CFAP61: variants seen among roughly 807,000 people sequenced by gnomAD.
The protein encoded by CFAP61 is cilia and flagella associated protein 61.
Under a neutral mutation model 135.6 loss-of-function variants are expected in CFAP61, and 107 were observed. That is an observed-to-expected ratio of 0.79 (90% CI 0.67 to 0.93). The LOEUF (loss-of-function observed/expected upper bound fraction) is 0.93. CFAP61 is among the 40% of genes least tolerant of loss of function. CFAP61 has a pLI of 0.00. For synonymous variants in CFAP61, 575 were observed against 578.5 expected, an observed-to-expected ratio of 0.99 and a Z score of 0.09; for missense variants, 1,507 against 1,556.2, an observed-to-expected ratio of 0.97 and a Z score of 0.53.
chr20:20,200,775 C>T lies in CFAP61; in HGVS notation c.1932+873C>T, dbSNP rs761730067. 19 of 985,256 alleles carry T rather than the reference C, an allele frequency of 1.9e-5. No homozygotes were observed. In the African/African-American group the frequency reaches 2.6e-4, roughly 14 times the overall value. 61.0% of individuals were successfully genotyped at this position (985,256 alleles called of 1,614,324 possible). On this transcript the variant is annotated intron_variant, in intron 17 of 26. Transcript: ENST00000245957. ...GGAGACGATGCTGAAATAAACACCT[C>T]GCAATACGCTCGGCGCTGCAGGAAG...
chr20:20,354,302 G>C (rs978331433), intron 26 of CFAP61, among the ~76,000 whole-genome samples: 2 of 152,150 alleles, frequency 1.3e-5, no homozygotes, highest in African/African-American at 2.4e-5. Context: ...AGGAGTTCAA[G>C]AGCAGCCTCG....
chr20:20,052,728 A>G (rs1359146400), intron 1 of CFAP61, 137 bp downstream of exon 1: 5 of 1,599,306 alleles, frequency 3.1e-6, no homozygotes, highest in African/African-American at 2.7e-5. Flanking sequence ...GCGCCCTGCA[A>G]GGGAGTAAGA....
At chr20:20,325,837 A>C (rs188311275) in intron 25 of CFAP61, among the ~76,000 whole-genome samples, 2 of 152,322 alleles carry the variant, frequency 1.3e-5, no homozygotes, top group Admixed American at 1.3e-4. Flanking sequence ...ACCAGCAATG[A>C]ATGAGAGCTC....
intron 21 of CFAP61, among the ~76,000 whole-genome samples, chr20:20,276,532 G>C (rs898605717): frequency 1.3e-5 from 2 of 152,122 alleles, no homozygotes; most frequent in Non-Finnish European, 2.9e-5. Flanking sequence ...TCTTACACAA[G>C]GGAAATCTGT....
At chr20:20,254,524 G>A (rs149873443) in intron 20 of CFAP61, among the ~76,000 whole-genome samples, 42 of 151,832 alleles carry the variant, frequency 2.8e-4, no homozygotes, top group African/African-American at 8.9e-4. Context: ...TTTTTACAAC[G>A]GAAAAAAAAT....
At chr20:20,146,619 T>G (rs2051906455) in intron 9 of CFAP61, among the ~76,000 whole-genome samples, 1 of 152,224 alleles carries the variant, frequency 6.6e-6, no homozygotes, top group African/African-American at 2.4e-5. Context: ...TAACATTATG[T>G]CTTCAGCTTT....
At chr20:20,350,900 CT>C (rs2058811586) in intron 26 of CFAP61, among the ~76,000 whole-genome samples, 1 of 152,162 alleles carries the variant, frequency 6.6e-6, no homozygotes, top group Non-Finnish European at 1.5e-5. Context: ...AATTTGCATC[CT>C]TTCATGATTG....
intron 2 of CFAP61, among the ~76,000 whole-genome samples, chr20:20,070,074 C>G (rs1041031436): frequency 1.3e-5 from 2 of 152,158 alleles, no homozygotes; most frequent in African/African-American, 4.8e-5. Context: ...TTAAGTCTTG[C>G]TGCCTTGATG....
At chr20:20,069,603 T>C (rs2045563910) in intron 2 of CFAP61, 1 of 371,638 alleles carries the variant, frequency 2.7e-6, no homozygotes, top group East Asian at 7.5e-5. Flanking sequence ...AAACACACGA[T>C]GTACATTTCA....
At chr20:20,075,678 T>A in intron 6 of CFAP61, 63 bp downstream of exon 6, 1 of 1,569,820 alleles carries the variant, frequency 6.4e-7, no homozygotes, top group Non-Finnish European at 8.7e-7. Flanking sequence ...TTCCCAAGAC[T>A]CTTTAAACTA....
At chr20:20,338,424 A>T (rs1218059015) in intron 25 of CFAP61, among the ~76,000 whole-genome samples, 1 of 152,116 alleles carries the variant, frequency 6.6e-6, no homozygotes, top group Non-Finnish European at 1.5e-5. Context: ...CTTTTTTTTC[A>T]TGCCAAGAGA....
At chr20:20,345,570 TTATC>T (rs1459183057) in intron 26 of CFAP61, among the ~76,000 whole-genome samples, 1 of 152,216 alleles carries the variant, frequency 6.6e-6, no homozygotes, top group Non-Finnish European at 1.5e-5. Context: ...GAAAAGACCA[TTATC>T]TATCTATTAT....
chr20:20,165,516 G>A (rs145098764), intron 11 of CFAP61, among the ~76,000 whole-genome samples: 106 of 141,562 alleles, frequency 7.5e-4, no homozygotes, highest in African/African-American at 2.5e-3. Context: ...CACCCACCCT[G>A]CCCCTCCAGA....
intron 9 of CFAP61, among the ~76,000 whole-genome samples, chr20:20,157,328 C>T (rs568091759): frequency 5.3e-5 from 8 of 152,280 alleles, no homozygotes; most frequent in Admixed American, 1.3e-4. Context: ...CCACCTTGGC[C>T]TCCCAAAGTA....
chr20:20,359,582 T>A lies in CFAP61; in HGVS notation c.3514-628T>A, dbSNP rs952715379. 4.6e-5 allele frequency among the ~76,000 whole-genome samples: 7 copies of A among 152,114 alleles called. No homozygotes were observed. Among genetic ancestry groups the A allele is most frequent in the African/African-American group, 1.7e-4 (7 of 41,434 alleles). On this transcript the variant is annotated intron_variant, in intron 26 of 26. Transcript: ENST00000245957. This position sits in a 1 kb window ranked among gnomAD's most constrained non-coding sequence, Gnocchi z 4.0. ...GGGAGGCTGAGGCAGGAGAATAGTT[T>A]GAACCTGGTAGGCGGAGGTTGCAGT...
intron 17 of CFAP61, chr20:20,219,980 G>A (rs894111952): frequency 5.3e-5 from 8 of 152,086 alleles, no homozygotes; most frequent in African/African-American, 1.7e-4. Context: ...AGCATCTTTT[G>A]TTATTGATTA....
chr20:20,192,380 G>A (rs937176486), intron 15 of CFAP61, among the ~76,000 whole-genome samples: 4 of 152,092 alleles, frequency 2.6e-5, no homozygotes, highest in Non-Finnish European at 4.4e-5. Flanking sequence ...GATGGGCACA[G>A]CATTATGGGT....
chr20:20,171,035 C>T (rs952225948), intron 13 of CFAP61, among the ~76,000 whole-genome samples: 1 of 152,126 alleles, frequency 6.6e-6, no homozygotes, highest in Non-Finnish European at 1.5e-5. Flanking sequence ...GGTTGAGTAA[C>T]TAGTCCACAG....
At chr20:20,101,129 C>G (rs1366878842) in intron 8 of CFAP61, among the ~76,000 whole-genome samples, 1 of 152,200 alleles carries the variant, frequency 6.6e-6, no homozygotes, top group East Asian at 1.9e-4. Flanking sequence ...GCACATTTTG[C>G]TGCCATCTTC....
Sources: allele counts gnomAD v4.1 joint callset (sites outside exome capture counted in the v4.1 genomes callset), GRCh38; gene constraint gnomAD v4.1.1; non-coding constraint Gnocchi (gnomAD v3.1); transcripts MANE v1.5; gene names NCBI Gene and HGNC (gene_info 2026-07-23, HGNC 2026-07-21).